PARP15: variants seen among roughly 807,000 people sequenced by gnomAD.
PARP15 encodes the protein poly(ADP-ribose) polymerase family member 15.
PARP15 carries 50 observed loss-of-function variants against 62.1 expected under a neutral mutation model. The ratio of observed to expected loss-of-function variants is 0.81; its 90% CI spans 0.64 to 1.02. The LOEUF is 1.02. PARP15 is among the 50% of genes least tolerant of loss of function. The pLI is 0.00. For missense variants in PARP15, 820 were observed against 826.5 expected, an observed-to-expected ratio of 0.99 and a Z score of 0.10; for synonymous variants, 309 against 293.1, an observed-to-expected ratio of 1.05 and a Z score of -0.55.
Position 122,621,568 on chromosome 3 carries a change from A to G in PARP15, c.1188A>G (p.Glu396=), listed in dbSNP as rs1281843054. ...TCACCAGTGTTCTAGAAGAGTGTGAACAGAGGAAGTACACATCGGTTTCCC... is the reference window on the plus strand; with the variant it reads ...TCACCAGTGTTCTAGAAGAGTGTGAGCAGAGGAAGTACACATCGGTTTCCC... ...KTVTSVLEEC[E]QRKYTSVSLP... is the part of the protein sequence containing the mutation. Residue 396 remains glutamate, a synonymous_variant, in exon 8 of 12, where the codon GAA becomes GAG. Coordinates refer to ENST00000464300, the MANE Select transcript of PARP15 (RefSeq NM_001113523.3). 6.2e-7 allele frequency: 1 copy of G among 1,612,410 alleles called. No individual in the cohort carries two copies. Among genetic ancestry groups the G allele is most frequent in the Admixed American group, 1.7e-5 (1 of 59,552 alleles).
rs771968385 is a variant in PARP15, at chr3:122,638,924, T to A, written c.*2824T>A. The stretch of plus-strand genomic sequence containing the variant: ...TATTCTGCTTTATATCTTTCCCTAT[T>A]TTATGTATATAGAATTATAAAGTTT... On this transcript the variant is annotated 3_prime_UTR_variant, in exon 12 of 12. Transcript: ENST00000464300. 2.0e-5 allele frequency: 3 copies of A among 152,210 alleles called. No homozygotes were observed. Among genetic ancestry groups the A allele is most frequent in the Non-Finnish European group, 4.4e-5 (3 of 68,032 alleles). 9.4% of individuals were successfully genotyped at this position (152,210 alleles called of 1,614,324 possible). A position where few individuals can be genotyped will look rare whatever the true frequency, so the allele number is the denominator to read the frequency against.
chr3:122,617,728 C>G (rs746727509), intron 6 of PARP15, among the ~76,000 whole-genome samples: 7 of 152,120 alleles, frequency 4.6e-5, no homozygotes, highest in Non-Finnish European at 7.3e-5. Flanking sequence ...CACATACACT[C>G]AACCTTTTTG....
chr3:122,580,728 A>G (rs1332645501), intron 1 of PARP15, among the ~76,000 whole-genome samples: 1 of 152,220 alleles, frequency 6.6e-6, no homozygotes, highest in African/African-American at 2.4e-5. Flanking sequence ...ACGTATATAT[A>G]AACATATTTT....
chr3:122,611,622 AGC>A (rs1935572480), intron 3 of PARP15, among the ~76,000 whole-genome samples: 1 of 152,146 alleles, frequency 6.6e-6, no homozygotes, highest in Non-Finnish European at 1.5e-5. Context: ...TACAGGCATG[AGC>A]TACTGTGCCT....
At chr3:122,635,690 G>T in intron 11 of PARP15, 121 bp from the exon 12 acceptor site, 1 of 1,128,036 alleles carries the variant, frequency 8.9e-7, no homozygotes, top group Non-Finnish European at 1.2e-6. Context: ...TGGGATTACA[G>T]GCATGAGCCA....
At chr3:122,630,556 G>A (rs775272941) in intron 9 of PARP15, among the ~76,000 whole-genome samples, 1 of 152,098 alleles carries the variant, frequency 6.6e-6, no homozygotes, top group Non-Finnish European at 1.5e-5. Context: ...GCATGTGCCT[G>A]TAGTTGCAGC....
At chr3:122,619,746 A>C (rs775450105) in intron 6 of PARP15, 35 bp from the exon 7 acceptor site, 6 of 1,528,150 alleles carry the variant, frequency 3.9e-6, no homozygotes, top group South Asian at 3.4e-5. Flanking sequence ...TTGAATTCTA[A>C]CTGATGCCTT....
chr3:122,635,780 C>T, intron 11 of PARP15, 31 bp from the exon 12 acceptor site: 1 of 1,587,630 alleles, frequency 6.3e-7, no homozygotes. Context: ...ATTTTATATT[C>T]TTAGGAAGGT....
intron 4 of PARP15, chr3:122,615,244 T>C (rs984370712): frequency 7.8e-7 from 1 of 1,282,530 alleles, no homozygotes; most frequent in Non-Finnish European, 1.0e-6. Flanking sequence ...AAAACTTCAA[T>C]GTCTGAGGTT....
At chr3:122,590,198 C>CT (rs143695223) in intron 1 of PARP15, among the ~76,000 whole-genome samples, 75,983 of 150,972 alleles carry the variant, frequency 0.5, 19,178 homozygotes, top group Middle Eastern at 0.55. Flanking sequence ...TAAAGCATAA[C>CT]TTTTTATCAT....
intron 1 of PARP15, 75 bp downstream of exon 1, chr3:122,577,928 G>T (rs1347163439): frequency 5.6e-6 from 8 of 1,428,490 alleles, no homozygotes; most frequent in African/African-American, 2.9e-5. Flanking sequence ...CCAGCAGCCC[G>T]AGCGGGCGCA....
intron 1 of PARP15, among the ~76,000 whole-genome samples, chr3:122,590,853 G>T (rs1237040784): frequency 1.3e-5 from 2 of 152,104 alleles, no homozygotes; most frequent in Non-Finnish European, 2.9e-5. Flanking sequence ...TTGTGTCTTG[G>T]TTACATCTGC....
rs187951194 is a variant in PARP15, at chr3:122,601,763, A to C, written c.187-4173A>C. On this transcript the variant is annotated intron_variant, in intron 1 of 11. Coordinates refer to ENST00000464300, the MANE Select transcript of PARP15 (RefSeq NM_001113523.3). ...TTCATGTGCAGGTATTGTGTGAACA[A>C]AAGTTTTCAATTTATTTGGGTAAAT... 1.6e-4 allele frequency among the ~76,000 whole-genome samples: 25 copies of C among 152,338 alleles called. No homozygotes were observed. The East Asian group carries it at 4.8e-3, about 29-fold the overall frequency.
chr3:122,624,274 T>C (rs1936546090), intron 8 of PARP15, among the ~76,000 whole-genome samples: 1 of 152,238 alleles, frequency 6.6e-6, no homozygotes, highest in Non-Finnish European at 1.5e-5. Flanking sequence ...TATTAATAAT[T>C]GCTAAGATTT....
At chr3:122,598,813 A>G (rs1934559140) in intron 1 of PARP15, among the ~76,000 whole-genome samples, 1 of 152,216 alleles carries the variant, frequency 6.6e-6, no homozygotes, top group Non-Finnish European at 1.5e-5. Context: ...CTCTACTTCT[A>G]GCCAGATTGT....
chr3:122,598,709 G>T (rs969285457), intron 1 of PARP15, among the ~76,000 whole-genome samples: 1 of 152,052 alleles, frequency 6.6e-6, no homozygotes, highest in Non-Finnish European at 1.5e-5. Context: ...AGGAGACTAC[G>T]CAAAGGCTCA....
At chr3:122,588,740 T>C (rs1933647501) in intron 1 of PARP15, among the ~76,000 whole-genome samples, 1 of 152,174 alleles carries the variant, frequency 6.6e-6, no homozygotes, top group Non-Finnish European at 1.5e-5. Flanking sequence ...CCTTATTTCC[T>C]CCTCCCCCAA....
Position 122,636,713 on chromosome 3 carries a change from C to G in PARP15, c.*613C>G, listed in dbSNP as rs1480786736. 1 of 152,688 alleles carries G rather than the reference C, an allele frequency of 6.5e-6. No individual in the cohort carries two copies. The allele number at this position is 152,688 out of a possible 1,614,324, so 9.5% of individuals were successfully genotyped here. On this transcript the variant is annotated 3_prime_UTR_variant, in exon 12 of 12. Coordinates refer to ENST00000464300, the MANE Select transcript of PARP15 (RefSeq NM_001113523.3). The stretch of plus-strand genomic sequence containing the variant: ...TTTTAGTGACTTAATCCCACACAGT[C>G]TTTATGGGTCAGGAATTCAGGCATG...
At chr3:122,614,537 T>G (rs1219888928) in intron 4 of PARP15, among the ~76,000 whole-genome samples, 1 of 152,118 alleles carries the variant, frequency 6.6e-6, no homozygotes, top group Non-Finnish European at 1.5e-5. Context: ...AGGTTCTTAG[T>G]TTTTTTCCCC....
Sources: allele counts gnomAD v4.1 joint callset (sites outside exome capture counted in the v4.1 genomes callset), GRCh38; gene constraint gnomAD v4.1.1; transcripts MANE v1.5; gene names NCBI Gene and HGNC (gene_info 2026-07-23, HGNC 2026-07-21).